The following RASAL1 variants were observed in gnomAD, a reference collection of about 807,000 sequenced individuals.
The protein encoded by RASAL1 is RAS protein activator like 1, also known as rasGAP-activating-like protein 1.
A neutral mutation model predicts 96.6 loss-of-function variants in RASAL1; 72 were observed. That is an observed-to-expected ratio of 0.75 (90% CI 0.62 to 0.91). The LOEUF is 0.91. Ranked by LOEUF, RASAL1 falls within the 40% of genes least tolerant of loss-of-function variation. RASAL1 has a pLI of 0.00. For missense variants in RASAL1, 1,016 were observed against 1,072.5 expected, an observed-to-expected ratio of 0.95 and a Z score of 0.74; for synonymous variants, 405 against 430.4, an observed-to-expected ratio of 0.94 and a Z score of 0.73.
In RASAL1 at chr12:113,104,280, C is replaced by G; in HGVS notation, c.1849G>C (p.Val617Leu). The part of the protein sequence containing the change: ...PEWQMCHSIP[V>L]SHIRAVERVD... ...CGCTCCACGGCGCGGATGTGAGACA[C>G]GGGGATGGAGTGACACATCTGGGGA... The change falls in exon 17 of 21, where the codon GTG (valine) becomes CTG (leucine). Residue 617 changes from valine (V) to leucine (L), a missense_variant. Transcript: ENST00000548055. The G allele has an allele frequency of 2.5e-6, 4 of 1,575,908 alleles. No homozygotes were observed. In the South Asian group the frequency reaches 4.6e-5, roughly 18 times the overall value.
chr12:113,112,972 A>AATAAATAT (rs1310767485), intron 12 of RASAL1, among the ~76,000 whole-genome samples: 2 of 151,512 alleles, frequency 1.3e-5, no homozygotes, highest in Admixed American at 6.6e-5. Flanking sequence ...TAAATAAATA[A>AATAAATAT]ATAAACCTTC....
intron 12 of RASAL1, 140 bp downstream of exon 12, chr12:113,114,660 G>A (rs1004363857): frequency 3.0e-5 from 21 of 710,160 alleles, no homozygotes; most frequent in Admixed American, 1.2e-4. Flanking sequence ...TTGTGTGTGA[G>A]GCTTTCAGCT....
At chr12:113,117,795 G>C (rs1335520188) in intron 7 of RASAL1, among the ~76,000 whole-genome samples, 1 of 152,142 alleles carries the variant, frequency 6.6e-6, no homozygotes, top group South Asian at 2.1e-4. Flanking sequence ...TAGACATTTC[G>C]TATAAATGGA....
chr12:113,107,941 T>C, intron 14 of RASAL1, 144 bp downstream of exon 14: 9 of 924,704 alleles, frequency 9.7e-6, no homozygotes, highest in Non-Finnish European at 1.4e-5. Context: ...ACCCTTGGGA[T>C]GGAATGCTAA....
rs762555586 is a variant in RASAL1 at position 113,115,908 on chromosome 12, T to C, written c.849+26A>G. On this transcript the variant is annotated intron_variant, in intron 9 of 20. Coordinates refer to ENST00000548055, the MANE Select transcript of RASAL1 (RefSeq NM_001301202.2). The surrounding 1 kb of genome is among the most constrained non-coding windows in gnomAD (Gnocchi z 4.1). ...ATCCAGACCCCCGGCACCCGCCTGA[T>C]AGCATTGCTTGCCTGACGCACCCAC... 5 of 1,583,816 alleles carry C rather than the reference T, an allele frequency of 3.2e-6. No homozygotes were observed. In the Admixed American group the frequency reaches 7.0e-5, roughly 22 times the overall value.
chr12:113,115,266 T>C lies in RASAL1; in HGVS notation c.1004-2A>G, dbSNP rs535981112. 2 of 1,612,802 alleles carry C rather than the reference T, an allele frequency of 1.2e-6. No individual in the cohort carries two copies. The highest frequency in any genetic ancestry group is 2.2e-5 in the South Asian group (2 of 91,048). On this transcript the variant is annotated splice_acceptor_variant, in intron 10 of 20. Coordinates refer to ENST00000548055, the MANE Select transcript of RASAL1 (RefSeq NM_001301202.2). LOFTEE classifies it high-confidence loss of function. This position sits in a 1 kb window ranked among gnomAD's most constrained non-coding sequence, Gnocchi z 4.1. ...AACGGAAGAGGGTGTTGGGGTCCAC[T>C]GGGAGGACAGGAGGAAGTGTTTGCT...
rs190255055 is a variant in RASAL1, at chr12:113,115,515, G to A, written c.1003+120C>T. ...ACTGTCTGGAGGTGCACAGCACAGG[G>A]ACCCACAGAAAAAGGAGCCCTTTTT... On this transcript the variant is annotated intron_variant, in intron 10 of 20. Transcript: ENST00000548055. This position sits in a 1 kb window ranked among gnomAD's most constrained non-coding sequence, Gnocchi z 4.1. 2.5e-4 allele frequency: 336 copies of A among 1,332,744 alleles called. 1 individual carries two copies. In the African/African-American group the frequency reaches 4.6e-3, roughly 18 times the overall value. 82.6% of individuals were successfully genotyped at this position (1,332,744 alleles called of 1,614,324 possible).
chr12:113,126,512 C>A (rs1046945421), intron 4 of RASAL1, among the ~76,000 whole-genome samples: 3 of 151,912 alleles, frequency 2.0e-5, no homozygotes, highest in South Asian at 2.1e-4. Flanking sequence ...TGAAACCCTT[C>A]CTCTACAAGA....
intron 4 of RASAL1, among the ~76,000 whole-genome samples, chr12:113,123,555 T>C (rs1951372741): frequency 6.6e-6 from 1 of 152,090 alleles, no homozygotes; most frequent in Non-Finnish European, 1.5e-5. Flanking sequence ...TTGCTTTTTG[T>C]TTACCATTCA....
intron 4 of RASAL1, 55 bp downstream of exon 4, chr12:113,127,757 A>G (rs1033978068): frequency 2.4e-5 from 37 of 1,516,892 alleles, no homozygotes; most frequent in Non-Finnish European, 3.1e-5. Context: ...ATGCCCCTGC[A>G]AATGCCCACC....
At chr12:113,114,777 C>T (rs774318450) in intron 12 of RASAL1, 23 bp downstream of exon 12, 18 of 1,600,312 alleles carry the variant, frequency 1.1e-5, no homozygotes, top group Non-Finnish European at 1.5e-5. Flanking sequence ...GTCGGAAGGT[C>T]AGGGTCCTCA....
intron 13 of RASAL1, among the ~76,000 whole-genome samples, chr12:113,110,552 A>C (rs992961586): frequency 6.6e-6 from 1 of 152,172 alleles, no homozygotes; most frequent in African/African-American, 2.4e-5. Flanking sequence ...TCCAACCACA[A>C]ATGTTTTGTA....
chr12:113,125,660 G>C (rs1037950826), intron 4 of RASAL1, among the ~76,000 whole-genome samples: 5 of 152,186 alleles, frequency 3.3e-5, no homozygotes, highest in Non-Finnish European at 7.4e-5. Context: ...TGTGGGGTGA[G>C]TGAACTGCTA....
At chr12:113,127,928 C>T (rs894962424) in intron 3 of RASAL1, 55 bp from the exon 4 acceptor site, 1 of 1,592,498 alleles carries the variant, frequency 6.3e-7, no homozygotes, top group African/African-American at 1.3e-5. Flanking sequence ...TGCCCCGCCC[C>T]AAGAGAAGTG....
Position 113,119,190 on chromosome 12 carries a change from A to T in RASAL1, c.580T>A (p.Ser194Thr). The T allele has an allele frequency of 1.2e-6, 2 of 1,613,984 alleles. No homozygotes were observed. The highest frequency in any genetic ancestry group is 1.7e-6 in the Non-Finnish European group (2 of 1,179,930). The change falls in exon 7 of 21, where the codon TCC (serine) becomes ACC (threonine). Residue 194 changes from serine (S) to threonine (T), a missense_variant. Coordinates refer to ENST00000548055, the MANE Select transcript of RASAL1 (RefSeq NM_001301202.2). ...LELREMPGAP[S>T]PLRVELWDWD... ...TCCCAGAGCTCCACCCGCAGTGGGG[A>T]CGGGGCACCTGGCATCTCCCGCAGC...
At position 113,105,724 on chromosome 12, in the gene RASAL1, G is replaced by A. The variant is rs1460574797; in HGVS notation, c.1820C>T (p.Pro607Leu). ...GGACTGGAACCCCACCTGCCACTCA[G>A]GACTCTTGGAGAAGGAGAGGGTCTC... The part of the protein sequence containing the change: ...SGETLSFSKS[P>L]EWQMCHSIPV... Residue 607 changes from proline to leucine, a missense_variant, in exon 16 of 21, where the codon CCT (proline) becomes CTT (leucine). Coordinates refer to ENST00000548055, the MANE Select transcript of RASAL1 (RefSeq NM_001301202.2). The A allele has an allele frequency of 1.9e-6, 3 of 1,608,504 alleles. No homozygotes were observed. In the Admixed American group the frequency reaches 5.0e-5, roughly 27 times the overall value.
At position 113,115,040 on chromosome 12, in the gene RASAL1, T is replaced by A; in HGVS notation, c.1069-128A>T. The A allele has an allele frequency of 9.4e-7, 1 of 1,067,816 alleles. No homozygotes were observed. Among genetic ancestry groups the A allele is most frequent in the Non-Finnish European group, 1.4e-6 (1 of 695,506 alleles). The allele number at this position is 1,067,816 out of a possible 1,614,324, so 66.1% of individuals were successfully genotyped here. A position where few individuals can be genotyped will look rare whatever the true frequency, so the allele number is the denominator to read the frequency against. On this transcript the variant is annotated intron_variant, in intron 11 of 20. Coordinates refer to ENST00000548055, the MANE Select transcript of RASAL1 (RefSeq NM_001301202.2). The surrounding 1 kb of genome is among the most constrained non-coding windows in gnomAD (Gnocchi z 4.1). ...GGCCAGGGCTGGGGTAGGGGACACA[T>A]CCAGGTGCAACTCAGGGCAAGGCCG...
intron 2 of RASAL1, 148 bp from the exon 3 acceptor site, chr12:113,128,326 C>T: frequency 1.7e-6 from 1 of 602,204 alleles, no homozygotes; most frequent in South Asian, 1.9e-5. Flanking sequence ...CACATGAACC[C>T]AGTTAGAGGC....
intron 4 of RASAL1, among the ~76,000 whole-genome samples, chr12:113,126,928 T>C (rs1951503026): frequency 1.5e-5 from 2 of 137,408 alleles, no homozygotes; most frequent in Admixed American, 7.1e-5. Context: ...AGAATTAGTG[T>C]TCAGAATAAT....
Sources: gnomAD v4.1 joint callset for allele counts (sites outside exome capture counted in the v4.1 genomes callset) on GRCh38, gnomAD v4.1.1 for gene constraint, Gnocchi (gnomAD v3.1) non-coding constraint, MANE v1.5 for transcripts, NCBI Gene and HGNC (gene_info 2026-07-23, HGNC 2026-07-21) for gene names.